The following MOG variants were observed in gnomAD, a reference collection of about 807,000 sequenced individuals.
MOG encodes the protein myelin oligodendrocyte glycoprotein.
A neutral mutation model predicts 35.9 loss-of-function variants in MOG; 20 were observed. The observed-to-expected ratio is 0.56, with a 90% CI of 0.39 to 0.81. The LOEUF (loss-of-function observed/expected upper bound fraction) is 0.81, where lower values mean the gene tolerates loss of function less well. Among genes scored for constraint, MOG ranks in the 30% least tolerant of loss-of-function variants. MOG has a pLI of 0.00. For missense variants in MOG, 251 were observed against 301.0 expected, an observed-to-expected ratio of 0.83 and a Z score of 1.23; for synonymous variants, 92 against 114.3, an observed-to-expected ratio of 0.80 and a Z score of 1.25.
intron 1 of MOG, among the ~76,000 whole-genome samples, chr6:29,658,789 CAG>C (rs2127490230): frequency 6.6e-6 from 1 of 152,280 alleles, no homozygotes; most frequent in South Asian, 2.1e-4. Flanking sequence ...TCTCTATAAC[CAG>C]AGTCTTTTTT....
intron 2 of MOG, among the ~76,000 whole-genome samples, chr6:29,665,724 G>A (rs948797145): frequency 2.0e-5 from 3 of 146,434 alleles, no homozygotes; most frequent in African/African-American, 7.9e-5. Flanking sequence ...CCACAGCCTT[G>A]AACTACATAT....
chr6:29,670,648 G>A lies in MOG; in HGVS notation c.710-53G>A, dbSNP rs926828. 0.022 allele frequency: 35,710 copies of A among 1,605,530 alleles called. 988 individuals are homozygous for A. Among genetic ancestry groups the A allele is most frequent in the African/African-American group, 0.14 (10,302 of 74,990 alleles). ...CAAATGTCCATAGGGAGGATGTGGGGAAGGTGCTATTCATCTTCCACTAAT... is the reference window on the plus strand; with the variant it reads ...CAAATGTCCATAGGGAGGATGTGGGAAAGGTGCTATTCATCTTCCACTAAT... On this transcript the variant is annotated intron_variant, in intron 6 of 7. Transcript: ENST00000376917. The surrounding 1 kb of genome is among the most constrained non-coding windows in gnomAD (Gnocchi z 4.2).
In MOG at chr6:29,660,571, C is replaced by G. The variant is rs1472589664; in HGVS notation, c.436+905C>G. Among the ~76,000 whole-genome samples, 252 of 146,714 alleles carry G rather than the reference C, an allele frequency of 1.7e-3. 1 individual carries two copies. Among genetic ancestry groups the G allele is most frequent in the Middle Eastern group, 0.014 (4 of 284 alleles). ...CCCTGTATTTGTGAGCGCACACACA[C>G]ACACACACACACACACACCTGTGCT... On this transcript the variant is annotated intron_variant, in intron 2 of 7. Coordinates refer to ENST00000376917, the MANE Select transcript of MOG (RefSeq NM_206809.4).
intron 3 of MOG, among the ~76,000 whole-genome samples, chr6:29,666,900 AG>A (rs2127526248): frequency 1.3e-5 from 2 of 152,258 alleles, no homozygotes; most frequent in African/African-American, 4.8e-5. Flanking sequence ...TGTTACTAAG[AG>A]GAGAGGAGAA....
At position 29,670,315 on chromosome 6, in the gene MOG, A is replaced by T. The variant is rs751197452; in HGVS notation, c.627A>T (p.Ile209=). ...TTCTGAGGGTGCCCTGCTGGAAGAT[A>T]ACCCTGTTTGTAATTGTGCCGGTTC... ...PHFLRVPCWK[I]TLFVIVPVLG... The change falls in exon 6 of 8, where the codon ATA becomes ATT. Residue 209 remains isoleucine, a synonymous_variant. Transcript: ENST00000376917. The surrounding 1 kb of genome is among the most constrained non-coding windows in gnomAD (Gnocchi z 4.2). 1 of 1,614,064 alleles carries T rather than the reference A, an allele frequency of 6.2e-7. No homozygotes were observed. The highest frequency in any genetic ancestry group is 8.5e-7 in the Non-Finnish European group (1 of 1,180,046).
At chr6:29,666,312 C>G in intron 3 of MOG, 47 bp downstream of exon 3, 1 of 1,172,856 alleles carries the variant, frequency 8.5e-7, no homozygotes, top group East Asian at 2.3e-5. Context: ...TTTAAATGAG[C>G]TGGCTTCTTG....
rs1583142749 is a variant in MOG at position 29,666,848 on chromosome 6, G to A, written c.550+583G>A. 2.0e-5 allele frequency among the ~76,000 whole-genome samples: 3 copies of A among 152,272 alleles called. 1 individual carries two copies. The South Asian group carries it at 6.2e-4, about 32-fold the overall frequency. On this transcript the variant is annotated intron_variant, in intron 3 of 7. Coordinates refer to ENST00000376917, the MANE Select transcript of MOG (RefSeq NM_206809.4). ...TACCAAGTGTCTCCCCAATGCCAGA[G>A]CAGGAAGAGTCTTCACTCCTCCCCA...
intron 2 of MOG, chr6:29,663,955 A>G (rs1407513068): frequency 2.1e-6 from 2 of 951,966 alleles, no homozygotes; most frequent in South Asian, 4.9e-5. Flanking sequence ...CTTTGATGTC[A>G]TTATCCTTAC....
Position 29,670,383 on chromosome 6 carries a change from A to C in MOG, c.695A>C (p.His232Pro). 1 of 1,614,184 alleles carries C rather than the reference A, an allele frequency of 6.2e-7. No individual in the cohort carries two copies. The highest frequency in any genetic ancestry group is 8.5e-7 in the Non-Finnish European group (1 of 1,180,032). ...VALIICYNWLHRRLAGQFLEE... is the reference protein window; with the variant it reads ...VALIICYNWLPRRLAGQFLEE... ...TTGATCATCTGCTACAACTGGCTAC[A>C]TCGAAGACTAGCAGGTGCAGTGGCT... Residue 232 changes from histidine to proline, a missense_variant, in exon 6 of 8, where the codon CAT (histidine) becomes CCT (proline). Transcript: ENST00000376917. This position sits in a 1 kb window ranked among gnomAD's most constrained non-coding sequence, Gnocchi z 4.2.
At position 29,666,208 on chromosome 6, in the gene MOG, C is replaced by A. The variant is rs761240269; in HGVS notation, c.493C>A (p.Leu165Ile). 3.7e-6 allele frequency: 6 copies of A among 1,612,770 alleles called. No homozygotes were observed. Among genetic ancestry groups the A allele is most frequent in the African/African-American group, 1.3e-5 (1 of 74,910 alleles). The stretch of plus-strand genomic sequence containing the variant: ...GGTTCTCCTCGCGGTGCTGCCTGTG[C>A]TCCTCCTGCAGATCACTGTTGGCCT... ...VLVLLAVLPV[L>I]LLQITVGLIF... The change falls in exon 3 of 8, where the codon CTC (leucine) becomes ATC (isoleucine). Residue 165 changes from leucine (L) to isoleucine (I), a missense_variant. By Grantham distance (5) the Leu-to-Ile change is conservative. Transcript: ENST00000376917.
In MOG at chr6:29,670,596, CA is replaced by C. The variant is rs1771260771; in HGVS notation, c.710-104del. ...CACTTACTGGATCTGTGGGATCCCC[CA>C]GTGGAAAGGGCAGTGTGGGTCACTC... is the stretch of plus-strand genomic sequence containing the variant. On this transcript the variant is annotated intron_variant, in intron 6 of 7. Transcript: ENST00000376917. The surrounding 1 kb of genome is among the most constrained non-coding windows in gnomAD (Gnocchi z 4.2). 1 of 1,582,692 alleles carries C rather than the reference CA, an allele frequency of 6.3e-7. No homozygotes were observed. The highest frequency in any genetic ancestry group is 1.3e-5 in the African/African-American group (1 of 74,718).
intron 5 of MOG, among the ~76,000 whole-genome samples, chr6:29,669,715 A>G (rs1438912436): frequency 6.6e-6 from 1 of 152,184 alleles, no homozygotes; most frequent in East Asian, 1.9e-4. Context: ...TACTGCTCAT[A>G]TTGTGGTTAG....
intron 3 of MOG, among the ~76,000 whole-genome samples, chr6:29,666,746 A>G (rs900287050): frequency 6.6e-6 from 1 of 152,112 alleles, no homozygotes; most frequent in African/African-American, 2.4e-5. Flanking sequence ...TCTCCATTCA[A>G]CACTGAGGAC....
chr6:29,658,887 G>A (rs765159775), intron 1 of MOG, among the ~76,000 whole-genome samples: 4 of 152,196 alleles, frequency 2.6e-5, no homozygotes, highest in Non-Finnish European at 4.4e-5. Context: ...CAAGGCAGGC[G>A]GATCACCTGA....
chr6:29,659,213 C>T (rs969443517), intron 1 of MOG, 106 bp from the exon 2 acceptor site: 10 of 944,062 alleles, frequency 1.1e-5, no homozygotes, highest in African/African-American at 1.6e-5. Context: ...ATTTAAAAGT[C>T]GAGTGTCTTC....
chr6:29,669,623 A>G (rs971154043), intron 5 of MOG, among the ~76,000 whole-genome samples: 5 of 152,234 alleles, frequency 3.3e-5, no homozygotes, highest in African/African-American at 9.6e-5. Flanking sequence ...ACTAATAAAC[A>G]TAAACAGTAT....
chr6:29,657,195 C>A lies in MOG; in HGVS notation c.-15C>A, dbSNP rs1472783258. ...ACCTTGCTGCGGGGGCTCTCTGTCCCCAGGAACAGTAGAGATGGCAAGCTT... is the reference window on the plus strand; with the variant it reads ...ACCTTGCTGCGGGGGCTCTCTGTCCACAGGAACAGTAGAGATGGCAAGCTT... On this transcript the variant is annotated 5_prime_UTR_variant, in exon 1 of 8. Coordinates refer to ENST00000376917, the MANE Select transcript of MOG (RefSeq NM_206809.4). The A allele has an allele frequency of 1.3e-6, 2 of 1,597,450 alleles. No individual in the cohort carries two copies.
At chr6:29,661,975 A>G in intron 2 of MOG, 3 of 985,402 alleles carry the variant, frequency 3.0e-6, no homozygotes, top group Non-Finnish European at 2.4e-6. Context: ...ACAAGTAAAT[A>G]AGGGACGCTT....
Position 29,664,027 on chromosome 6 carries a change from G to C in MOG, c.437-2125G>C. 7.9e-6 allele frequency: 3 copies of C among 381,466 alleles called. No individual in the cohort carries two copies. The South Asian group carries it at 3.3e-4, about 42-fold the overall frequency. 23.6% of individuals were successfully genotyped at this position (381,466 alleles called of 1,614,324 possible). On this transcript the variant is annotated intron_variant, in intron 2 of 7. Transcript: ENST00000376917. ...CTTCAGCTGCAGCATGGCACATGGA[G>C]ATTAGAGTGGGGCTTTTGGATGCTG...
Sources: gnomAD v4.1 joint callset for allele counts (sites outside exome capture counted in the v4.1 genomes callset) on GRCh38, gnomAD v4.1.1 for gene constraint, Gnocchi (gnomAD v3.1) non-coding constraint, MANE v1.5 for transcripts, NCBI Gene and HGNC (gene_info 2026-07-23, HGNC 2026-07-21) for gene names.